Variants in CTNNAL1 observed in about 807,000 individuals in gnomAD.
CTNNAL1 encodes catenin alpha like 1, also known as alpha-catulin.
CTNNAL1 carries 69 observed loss-of-function variants against 93.6 expected under a neutral mutation model. The ratio of observed to expected loss-of-function variants is 0.74; its 90% CI spans 0.61 to 0.90. The LOEUF is 0.90. Among genes scored for constraint, CTNNAL1 ranks in the 40% least tolerant of loss-of-function variants. The pLI is 0.00. For missense variants in CTNNAL1, 836 were observed against 862.0 expected (o/e 0.97, Z 0.38); for synonymous variants, 286 against 305.4 (o/e 0.94, Z 0.66).
In CTNNAL1 at chr9:108,979,420, G is replaced by A. The variant is rs1367014439; in HGVS notation, c.962C>T (p.Thr321Ile). ...YFQSKENLSV[T>I]LEVILERMED... is the part of the protein sequence containing the mutation. ...CATACGCTCCAAGATGACTTCCAAT[G>A]TCACAGAAAGGTTCTCTTTGGACTG... Residue 321 changes from threonine to isoleucine, a missense_variant, in exon 7 of 19, where the codon ACA becomes ATA. By Grantham distance (89) the Thr-to-Ile change is moderately conservative. Coordinates refer to ENST00000325551, the MANE Select transcript of CTNNAL1 (RefSeq NM_003798.4). 4.3e-6 allele frequency: 7 copies of A among 1,614,090 alleles called. No individual in the cohort carries two copies. Among genetic ancestry groups the A allele is most frequent in the Middle Eastern group, 1.6e-4 (1 of 6,062 alleles).
rs146475922 is a variant in CTNNAL1, at chr9:109,011,957, G to A, written c.141+1345C>T. On this transcript the variant is annotated intron_variant, in intron 1 of 18. Transcript: ENST00000325551. ...CTCTCTGCCTCTTAAAACTGCTCCA[G>A]TGTTTCTCGTTTTGGTTGTGTTGTG... Among the ~76,000 whole-genome samples the A allele has an allele frequency of 8.0e-3, 1,219 of 152,328 alleles. 8 individuals carry two copies. Among genetic ancestry groups the A allele is most frequent in the Non-Finnish European group, 0.012 (787 of 68,034 alleles).
intron 4 of CTNNAL1, 102 bp downstream of exon 4, chr9:108,990,624 A>C: frequency 7.1e-7 from 1 of 1,404,638 alleles, no homozygotes. Flanking sequence ...TATAGACTTA[A>C]TAAGCAAAGA....
intron 2 of CTNNAL1, among the ~76,000 whole-genome samples, chr9:108,997,897 C>T (rs2132193083): frequency 6.6e-6 from 1 of 152,170 alleles, no homozygotes; most frequent in East Asian, 1.9e-4. Flanking sequence ...TGAATTCATC[C>T]TCACACCCCC....
intron 8 of CTNNAL1, among the ~76,000 whole-genome samples, chr9:108,975,816 C>T (rs1282703363): frequency 6.6e-6 from 1 of 152,102 alleles, no homozygotes; most frequent in Admixed American, 6.5e-5. Flanking sequence ...CACAGATGGG[C>T]AGCATTGTGT....
At chr9:108,990,651 C>T in intron 4 of CTNNAL1, 75 bp downstream of exon 4, 1 of 1,508,010 alleles carries the variant, frequency 6.6e-7, no homozygotes, top group Non-Finnish European at 8.9e-7. Context: ...TCCAAACAAT[C>T]CTAACGATCA....
intron 7 of CTNNAL1, 110 bp from the exon 8 acceptor site, chr9:108,977,158 C>T: frequency 2.1e-6 from 1 of 465,558 alleles, no homozygotes; most frequent in Non-Finnish European, 3.7e-6. Flanking sequence ...ATTCTGTGAA[C>T]TATAAAAGTA....
intron 1 of CTNNAL1, among the ~76,000 whole-genome samples, chr9:109,000,611 C>T (rs540007428): frequency 2.0e-5 from 3 of 150,718 alleles, no homozygotes; most frequent in South Asian, 2.1e-4. Flanking sequence ...TAAGACAAAG[C>T]GATATTTAAG....
chr9:108,943,282 A>G (rs1191315242), intron 17 of CTNNAL1, among the ~76,000 whole-genome samples: 2 of 152,144 alleles, frequency 1.3e-5, no homozygotes, highest in African/African-American at 4.8e-5. Flanking sequence ...TGGAAAATTA[A>G]TCATTCTACT....
At position 109,004,198 on chromosome 9, in the gene CTNNAL1, C is replaced by T. The variant is rs1826942437; in HGVS notation, c.142-4942G>A. ...ATGCTCAAAGGTGCTTATTTAAGGTCACACAGCTAATAAGTGCTAGAGTTA... is the reference window on the plus strand; with the variant it reads ...ATGCTCAAAGGTGCTTATTTAAGGTTACACAGCTAATAAGTGCTAGAGTTA... On this transcript the variant is annotated intron_variant, in intron 1 of 18. Coordinates refer to ENST00000325551, the MANE Select transcript of CTNNAL1 (RefSeq NM_003798.4). 2.0e-5 allele frequency among the ~76,000 whole-genome samples: 3 copies of T among 152,120 alleles called. No homozygotes were observed. The South Asian group carries it at 6.2e-4, about 32-fold the overall frequency.
chr9:108,970,573 G>T (rs1831086160), intron 9 of CTNNAL1, 79 bp from the exon 10 acceptor site: 2 of 1,244,400 alleles, frequency 1.6e-6, no homozygotes, highest in Non-Finnish European at 2.1e-6. Flanking sequence ...TAATTAAAAA[G>T]AAAATTTTAC....
intron 10 of CTNNAL1, among the ~76,000 whole-genome samples, chr9:108,966,083 T>G (rs918619889): frequency 6.6e-6 from 1 of 152,182 alleles, no homozygotes; most frequent in South Asian, 2.1e-4. Flanking sequence ...TAAGCATTAT[T>G]CCATTTTTCA....
At chr9:109,001,626 C>T (rs1325827904) in intron 1 of CTNNAL1, among the ~76,000 whole-genome samples, 1 of 152,164 alleles carries the variant, frequency 6.6e-6, no homozygotes, top group East Asian at 1.9e-4. Context: ...CTCAAGCAAC[C>T]CTATGGAGAG....
intron 14 of CTNNAL1, 80 bp from the exon 15 acceptor site, chr9:108,948,314 C>T: frequency 7.4e-7 from 1 of 1,353,986 alleles, no homozygotes; most frequent in Non-Finnish European, 1.0e-6. Flanking sequence ...AATTTTAGAG[C>T]ATTTGTGTAT....
chr9:109,004,508 C>T (rs996444617), intron 1 of CTNNAL1, among the ~76,000 whole-genome samples: 1 of 152,278 alleles, frequency 6.6e-6, no homozygotes, highest in Non-Finnish European at 1.5e-5. Flanking sequence ...GAAGAGTTGG[C>T]TGGGCGCAGT....
intron 11 of CTNNAL1, among the ~76,000 whole-genome samples, chr9:108,962,547 G>T (rs1015615236): frequency 2.0e-5 from 3 of 152,194 alleles, no homozygotes; most frequent in Non-Finnish European, 4.4e-5. Context: ...GTACAAAGAA[G>T]CAAGGAGTTT....
intron 9 of CTNNAL1, among the ~76,000 whole-genome samples, chr9:108,970,861 G>A (rs904569052): frequency 1.3e-5 from 2 of 152,008 alleles, no homozygotes; most frequent in African/African-American, 4.8e-5. Context: ...CTTGCCCAAG[G>A]TCTCACAGCT....
intron 2 of CTNNAL1, among the ~76,000 whole-genome samples, chr9:108,997,227 C>T (rs1474927207): frequency 1.3e-5 from 2 of 152,296 alleles, no homozygotes; most frequent in East Asian, 1.9e-4. Flanking sequence ...TAACAATCTA[C>T]TTTTACCTAT....
chr9:109,012,945 G>C (rs572625051), intron 1 of CTNNAL1, among the ~76,000 whole-genome samples: 1 of 152,104 alleles, frequency 6.6e-6, no homozygotes, highest in East Asian at 1.9e-4. Flanking sequence ...TCTCTGCCTC[G>C]GGAGCTGGGC....
At chr9:109,011,803 G>A (rs1307468806) in intron 1 of CTNNAL1, among the ~76,000 whole-genome samples, 1 of 152,192 alleles carries the variant, frequency 6.6e-6, no homozygotes, top group Non-Finnish European at 1.5e-5. Context: ...TCACATGATT[G>A]TTATGAGAAT....
Sources: allele counts gnomAD v4.1 joint callset (sites outside exome capture counted in the v4.1 genomes callset), GRCh38; gene constraint gnomAD v4.1.1; transcripts MANE v1.5; gene names NCBI Gene and HGNC (gene_info 2026-07-23, HGNC 2026-07-21).